Variants in UNC13B observed in about 807,000 individuals in gnomAD.
The protein encoded by UNC13B is unc-13 homolog B.
Under a neutral mutation model 211.0 loss-of-function variants are expected in UNC13B, and 144 were observed. The observed-to-expected ratio is 0.68, with a 90% confidence interval of 0.60 to 0.78. The LOEUF (loss-of-function observed/expected upper bound fraction) is 0.78, where lower values mean the gene tolerates loss of function less well. Ranked by LOEUF, UNC13B falls within the 30% of genes least tolerant of loss-of-function variation. UNC13B has a pLI of 0.00. For synonymous variants in UNC13B, 709 were observed against 725.8 expected (o/e 0.98, Z 0.37); for missense variants, 1,777 against 2,002.0 (o/e 0.89, Z 2.14).
Position 35,295,914 on chromosome 9 carries a change from G to C in UNC13B, c.745G>C (p.Glu249Gln). Reference sequence around the variant, plus strand: ...GCAAAGTTATGACCTTGATTATCCAGAGCGGCGGGCTATCAGGTGGGTATT... The same window carrying C: ...GCAAAGTTATGACCTTGATTATCCACAGCGGCGGGCTATCAGGTGGGTATT... ...SMQSYDLDYP[E>Q]RRAIRYAQKY... Residue 249 changes from glutamate to glutamine, a missense_variant, in exon 8 of 40, where the codon GAG becomes CAG. By Grantham distance (29) the Glu-to-Gln change is conservative. Coordinates refer to ENST00000635942, the MANE Select transcript of UNC13B (RefSeq NM_001371189.2). 6.2e-7 allele frequency: 1 copy of C among 1,610,858 alleles called. No individual in the cohort carries two copies. Among genetic ancestry groups the C allele is most frequent in the Non-Finnish European group, 8.5e-7 (1 of 1,178,444 alleles).
chr9:35,325,485 C>T (rs1458087649), intron 11 of UNC13B, among the ~76,000 whole-genome samples: 1 of 152,230 alleles, frequency 6.6e-6, no homozygotes, highest in Non-Finnish European at 1.5e-5. Flanking sequence ...TGTACTCTTG[C>T]AGCCTTCTCA....
rs1406646590 is a variant in UNC13B at position 35,220,343 on chromosome 9, C to T, written c.23-7672C>T. Among the ~76,000 whole-genome samples, 3 of 151,070 alleles carry T rather than the reference C, an allele frequency of 2.0e-5. No individual in the cohort carries two copies. The East Asian group carries it at 5.8e-4, about 29-fold the overall frequency. On this transcript the variant is annotated intron_variant, in intron 1 of 39. Coordinates refer to ENST00000635942, the MANE Select transcript of UNC13B (RefSeq NM_001371189.2). ...AAAATGTACAATAAATTATTATTGA[C>T]TGTAGTCCCCCTGTTGTGCTATCAC...
At chr9:35,228,929 CTATG>C (rs1367868250) in intron 2 of UNC13B, among the ~76,000 whole-genome samples, 1 of 152,092 alleles carries the variant, frequency 6.6e-6, no homozygotes, top group East Asian at 1.9e-4. Flanking sequence ...GCAAATGTGT[CTATG>C]TACTAGATTC....
intron 7 of UNC13B, among the ~76,000 whole-genome samples, chr9:35,286,133 A>G (rs926847443): frequency 1.3e-5 from 2 of 151,578 alleles, no homozygotes; most frequent in Non-Finnish European, 2.9e-5. Context: ...TATGGATACT[A>G]GGAATGTCTG....
chr9:35,168,450 C>A (rs1289073050), intron 1 of UNC13B, among the ~76,000 whole-genome samples: 6 of 152,076 alleles, frequency 3.9e-5, no homozygotes, highest in Non-Finnish European at 5.9e-5. Flanking sequence ...ATTAGCTTTC[C>A]ACCTGGACTT....
At chr9:35,335,907 A>G (rs1440211795) in intron 11 of UNC13B, among the ~76,000 whole-genome samples, 1 of 151,956 alleles carries the variant, frequency 6.6e-6, no homozygotes, top group Non-Finnish European at 1.5e-5. Flanking sequence ...GGGTCCCCCT[A>G]TGTTGCCCAG....
intron 1 of UNC13B, among the ~76,000 whole-genome samples, chr9:35,190,755 TTAAGTA>T (rs1166304167): frequency 6.6e-6 from 1 of 152,206 alleles, no homozygotes; most frequent in African/African-American, 2.4e-5. Flanking sequence ...TAATAGCCTT[TTAAGTA>T]TATCTATAAC....
chr9:35,313,567 G>A (rs2131873797), intron 10 of UNC13B, among the ~76,000 whole-genome samples: 1 of 151,896 alleles, frequency 6.6e-6, no homozygotes, highest in South Asian at 2.1e-4. Flanking sequence ...TAAGGCTGCA[G>A]TGAGCCGTGA....
intron 22 of UNC13B, chr9:35,385,171 A>G (rs924872233): frequency 2.2e-5 from 22 of 985,324 alleles, no homozygotes; most frequent in East Asian, 1.1e-4. Flanking sequence ...GCCAAAGTGA[A>G]TGAAGTAAGG....
intron 11 of UNC13B, among the ~76,000 whole-genome samples, chr9:35,348,335 C>G (rs1277264122): frequency 1.3e-5 from 2 of 152,356 alleles, no homozygotes; most frequent in Admixed American, 6.5e-5. Flanking sequence ...CCATTTATCT[C>G]TTCCTCAGCG....
chr9:35,238,559 T>A (rs1173955550), intron 5 of UNC13B, among the ~76,000 whole-genome samples: 1 of 152,090 alleles, frequency 6.6e-6, no homozygotes, highest in Non-Finnish European at 1.5e-5. Context: ...TTATCTTTTT[T>A]TTTTTTTTCC....
At chr9:35,188,040 C>T (rs1227781185) in intron 1 of UNC13B, among the ~76,000 whole-genome samples, 4 of 152,156 alleles carry the variant, frequency 2.6e-5, no homozygotes, top group African/African-American at 9.7e-5. Flanking sequence ...GTTTCATTGA[C>T]TCTGAAAAAC....
intron 26 of UNC13B, among the ~76,000 whole-genome samples, chr9:35,393,574 C>CTTTTTTTT (rs749007486): frequency 1.7e-5 from 2 of 118,864 alleles, no homozygotes; most frequent in African/African-American, 3.2e-5. Context: ...GACTCTCTCT[C>CTTTTTTTT]TTTTTTTTTT....
chr9:35,243,433 A>G, intron 6 of UNC13B, 69 bp downstream of exon 6: 4 of 1,520,138 alleles, frequency 2.6e-6, no homozygotes, highest in Non-Finnish European at 3.6e-6. Flanking sequence ...TAGGTTGCCC[A>G]GGGAGGGGCC....
intron 11 of UNC13B, among the ~76,000 whole-genome samples, chr9:35,356,227 C>T (rs903976612): frequency 1.3e-5 from 2 of 152,160 alleles, no homozygotes; most frequent in East Asian, 1.9e-4. Context: ...CTGGAGCAGT[C>T]CCCTAACCTA....
Position 35,391,172 on chromosome 9 carries a change from A to G in UNC13B, c.11308+458A>G, listed in dbSNP as rs557954128. 3.9e-5 allele frequency among the ~76,000 whole-genome samples: 6 copies of G among 152,334 alleles called. No homozygotes were observed. In the South Asian group the frequency reaches 1.2e-3, roughly 32 times the overall value. On this transcript the variant is annotated intron_variant, in intron 26 of 39. Transcript: ENST00000635942. Reference sequence around the variant, plus strand: ...GGATTAGTATGACAATGCCAGGAAGATACTTCTTCCCTCACTTCTCCTATA... The same window carrying G: ...GGATTAGTATGACAATGCCAGGAAGGTACTTCTTCCCTCACTTCTCCTATA...
rs561473449 is a variant in UNC13B, at chr9:35,401,591, G to A, written c.12484+1148G>A. Among the ~76,000 whole-genome samples the A allele has an allele frequency of 1.5e-4, 23 of 152,318 alleles. No individual in the cohort carries two copies. In the South Asian group the frequency reaches 1.9e-3, roughly 12 times the overall value. On this transcript the variant is annotated intron_variant, in intron 37 of 39. Coordinates refer to ENST00000635942, the MANE Select transcript of UNC13B (RefSeq NM_001371189.2). The stretch of plus-strand genomic sequence containing the variant: ...TGATGAGAGCAGGGTTGGCAACTGC[G>A]GGAAGAATCCATGTGTATGCGTGTG...
rs1404863133 is a variant in UNC13B at position 35,214,195 on chromosome 9, A to G, written c.23-13820A>G. On this transcript the variant is annotated intron_variant, in intron 1 of 39. Transcript: ENST00000635942. The stretch of plus-strand genomic sequence containing the variant: ...ATAATCCCAGCACTTTGGGAGGTGG[A>G]GATGAGTGGATCACCTGAGGTCAGG... Among the ~76,000 whole-genome samples the G allele has an allele frequency of 3.3e-5, 5 of 152,312 alleles. No individual in the cohort carries two copies. The South Asian group carries it at 8.3e-4, about 25-fold the overall frequency.
At chr9:35,374,307 G>A (rs10972450) in intron 13 of UNC13B, among the ~76,000 whole-genome samples, 1,510 of 101,820 alleles carry the variant, frequency 0.015, 51 homozygotes, top group East Asian at 0.053. Flanking sequence ...GGCTAGCAAG[G>A]CAGCCCCAGC....
Sources: gnomAD v4.1 joint callset for allele counts (sites outside exome capture counted in the v4.1 genomes callset) on GRCh38, gnomAD v4.1.1 for gene constraint, MANE v1.5 for transcripts, NCBI Gene and HGNC (gene_info 2026-07-23, HGNC 2026-07-21) for gene names.